The following CHD1L variants were observed in gnomAD, a reference collection of about 807,000 sequenced individuals.
CHD1L encodes chromodomain helicase DNA binding protein 1 like.
A neutral mutation model predicts 115.9 loss-of-function variants in CHD1L; 118 were observed. The observed-to-expected ratio is 1.02, with a 90% CI of 0.88 to 1.19. CHD1L has a LOEUF of 1.19. CHD1L is among the 50% of genes most tolerant of loss of function. CHD1L has a pLI of 0.00. For synonymous variants in CHD1L, 411 were observed against 387.1 expected, an observed-to-expected ratio of 1.06 and a Z score of -0.72; for missense variants, 1,179 against 1,065.3, an observed-to-expected ratio of 1.11 and a Z score of -1.49.
the CHD1L span, chr1:147,210,529 T>G: frequency 6.6e-6 from 1 of 152,346 alleles, no homozygotes; most frequent in South Asian, 2.1e-4. Flanking sequence ...GTAAGCACTC[T>G]GATAATTATG....
At chr1:147,269,913 T>C (rs2102639640) in intron 10 of CHD1L, among the ~76,000 whole-genome samples, 1 of 152,312 alleles carries the variant, frequency 6.6e-6, no homozygotes, top group Non-Finnish European at 1.5e-5. Flanking sequence ...AATAATTTCA[T>C]GTCTTACTGT....
rs17356219 is a variant in CHD1L at position 147,265,684 on chromosome 1, A to C, written c.740-248A>C. ...CGCAAAAATATTCTGGAAACAAAACAGCTTTGTGCAAATGAGATAAGAAGT... is the reference window on the plus strand; with the variant it reads ...CGCAAAAATATTCTGGAAACAAAACCGCTTTGTGCAAATGAGATAAGAAGT... On this transcript the variant is annotated intron_variant, in intron 7 of 22. Coordinates refer to ENST00000369258, the MANE Select transcript of CHD1L (RefSeq NM_004284.6). Among the ~76,000 whole-genome samples, 27,023 of 152,128 alleles carry C rather than the reference A, an allele frequency of 0.18. 3,061 individuals are homozygous for C. Among genetic ancestry groups the C allele is most frequent in the Middle Eastern group, 0.26 (77 of 294 alleles).
At chr1:147,264,605 T>A in intron 7 of CHD1L, 21 bp downstream of exon 7, 1 of 1,610,642 alleles carries the variant, frequency 6.2e-7, no homozygotes, top group Non-Finnish European at 8.5e-7. Context: ...TTCCTGCAAA[T>A]CATCCCCAAG....
At chr1:147,291,076 A>G (rs1376158056) in intron 19 of CHD1L, among the ~76,000 whole-genome samples, 1 of 152,178 alleles carries the variant, frequency 6.6e-6, no homozygotes, top group Non-Finnish European at 1.5e-5. Flanking sequence ...CTTGATTTGG[A>G]TGGGGTAGGA....
At chr1:147,212,327 T>G in the CHD1L span, 5 of 1,551,300 alleles carry the variant, frequency 3.2e-6, no homozygotes, top group Non-Finnish European at 4.4e-6. Context: ...TGGGTCCACC[T>G]GCAGCTTCCT....
intron 14 of CHD1L, among the ~76,000 whole-genome samples, chr1:147,276,502 T>C (rs1426962241): frequency 6.6e-6 from 1 of 152,178 alleles, no homozygotes; most frequent in East Asian, 1.9e-4. Context: ...ATCTACTCTT[T>C]TTGCATTTCT....
At chr1:147,229,751 A>T in the CHD1L span, among the ~76,000 whole-genome samples, 3 of 151,750 alleles carry the variant, frequency 2.0e-5, no homozygotes, top group Non-Finnish European at 4.4e-5. Flanking sequence ...ATTCCTAGGT[A>T]TTTTATTCTC....
the CHD1L span, among the ~76,000 whole-genome samples, chr1:147,216,488 A>G: frequency 0.024 from 3,685 of 152,306 alleles, 71 homozygotes; most frequent in South Asian, 0.095. Flanking sequence ...GTTTCCATAT[A>G]CTGGAAAGAG....
In CHD1L at chr1:147,276,130, G is replaced by A. The variant is rs1678349050; in HGVS notation, c.1412G>A (p.Gly471Asp). 6.2e-7 allele frequency: 1 copy of A among 1,613,982 alleles called. No homozygotes were observed. Among genetic ancestry groups the A allele is most frequent in the South Asian group, 1.1e-5 (1 of 91,086 alleles). The part of the protein sequence containing the change: ...NKSVKVIRLI[G>D]RDTVEEIVYR... ...TCTGTTAAAGTTATTCGGCTGATTG[G>A]TCGAGACACTGTGGAAGAAATAGTC... The change falls in exon 14 of 23, where the codon GGT (glycine) becomes GAT (aspartate). Residue 471 changes from glycine (G) to aspartate (D), a missense_variant. Physicochemically the swap from Gly to Asp is moderately conservative, Grantham distance 94. Coordinates refer to ENST00000369258, the MANE Select transcript of CHD1L (RefSeq NM_004284.6).
At chr1:147,273,886 G>A (rs1410878044) in intron 12 of CHD1L, among the ~76,000 whole-genome samples, 1 of 152,150 alleles carries the variant, frequency 6.6e-6, no homozygotes, top group African/African-American at 2.4e-5. Context: ...AAATATTTCT[G>A]TGATGAGTCA....
the CHD1L span, among the ~76,000 whole-genome samples, chr1:147,207,574 T>C: frequency 6.6e-6 from 1 of 152,214 alleles, no homozygotes; most frequent in African/African-American, 2.4e-5. Flanking sequence ...GAGTCTGCCA[T>C]TTATTATTTC....
At chr1:147,293,544 C>T (rs1203947494) in intron 20 of CHD1L, 64 bp from the exon 21 acceptor site, 42 of 1,371,854 alleles carry the variant, frequency 3.1e-5, no homozygotes, top group Middle Eastern at 1.8e-4. Flanking sequence ...CCTCCATGGG[C>T]GGTCACTTGG....
intron 16 of CHD1L, 132 bp from the exon 17 acceptor site, chr1:147,285,192 A>T: frequency 9.7e-7 from 1 of 1,025,650 alleles, no homozygotes; most frequent in Non-Finnish European, 1.4e-6. Context: ...AGTTCCCACC[A>T]TGCAGGGTGT....
the CHD1L span, among the ~76,000 whole-genome samples, chr1:147,212,186 T>C: frequency 1.3e-5 from 2 of 152,204 alleles, no homozygotes; most frequent in African/African-American, 2.4e-5. Flanking sequence ...AGTTGCACAA[T>C]GGAACTCTAA....
intron 7 of CHD1L, among the ~76,000 whole-genome samples, chr1:147,265,094 A>T (rs1314858980): frequency 6.6e-6 from 1 of 152,060 alleles, no homozygotes; most frequent in Non-Finnish European, 1.5e-5. Context: ...GTGTTGTAGG[A>T]TTATCCATCT....
At chr1:147,212,450 A>C in the CHD1L span, 2 of 1,614,030 alleles carry the variant, frequency 1.2e-6, no homozygotes, top group Non-Finnish European at 1.7e-6. Flanking sequence ...TCCCAATGCC[A>C]ATTATAATGA....
At chr1:147,203,028 T>C in the CHD1L span, among the ~76,000 whole-genome samples, 1 of 152,176 alleles carries the variant, frequency 6.6e-6, no homozygotes, top group Admixed American at 6.5e-5. Flanking sequence ...AATGTAGGTA[T>C]GATTATGTTA....
At position 147,294,437 on chromosome 1, in the gene CHD1L, T is replaced by A; in HGVS notation, c.2535T>A (p.His845Gln). 6.2e-7 allele frequency: 1 copy of A among 1,612,788 alleles called. No individual in the cohort carries two copies. The highest frequency in any genetic ancestry group is 8.5e-7 in the Non-Finnish European group (1 of 1,179,440). ...GTGTTCATCTTCCACGTATTGGACATGCCACGAAAGGTTTTAACTGGTATG... is the reference window on the plus strand; with the variant it reads ...GTGTTCATCTTCCACGTATTGGACAAGCCACGAAAGGTTTTAACTGGTATG... ...KASVHLPRIG[H>Q]ATKGFNWYGT... is the part of the protein sequence containing the mutation. The change falls in exon 22 of 23, where the codon CAT (histidine) becomes CAA (glutamine). Residue 845 changes from histidine (H) to glutamine (Q), a missense_variant. Coordinates refer to ENST00000369258, the MANE Select transcript of CHD1L (RefSeq NM_004284.6).
intron 16 of CHD1L, among the ~76,000 whole-genome samples, chr1:147,284,740 G>C (rs1553964250): frequency 6.6e-6 from 1 of 152,128 alleles, no homozygotes; most frequent in African/African-American, 2.4e-5. Flanking sequence ...AAGCAGCCTT[G>C]TCCATCCAAG....
Sources: gnomAD v4.1 joint callset for allele counts (sites outside exome capture counted in the v4.1 genomes callset) on GRCh38, gnomAD v4.1.1 for gene constraint, MANE v1.5 for transcripts, NCBI Gene and HGNC (gene_info 2026-07-23, HGNC 2026-07-21) for gene names.